IRX2: variants seen among roughly 807,000 people sequenced by gnomAD.
The protein encoded by IRX2 is iroquois homeobox 2, also known as iroquois-class homeodomain protein IRX-2.
A neutral mutation model predicts 42.9 loss-of-function variants in IRX2; 26 were observed. The ratio of observed to expected loss-of-function variants is 0.61; its 90% CI spans 0.44 to 0.84. IRX2 has a LOEUF of 0.84. IRX2 is among the 40% of genes least tolerant of loss of function. The pLI is 0.00. For synonymous variants in IRX2, 424 were observed against 353.9 expected (o/e 1.20, Z -2.22); for missense variants, 782 against 713.9 (o/e 1.10, Z -1.09).
intron 1 of IRX2, among the ~76,000 whole-genome samples, chr5:2,750,400 G>C (rs967939195): frequency 6.6e-6 from 1 of 152,240 alleles, no homozygotes; most frequent in Admixed American, 6.5e-5. Context: ...ATTCCGCCGA[G>C]GGCCGGCAGT....
chr5:2,749,566 G>T lies in IRX2; in HGVS notation c.471C>A (p.Thr157=). 1 of 1,614,242 alleles carries T rather than the reference G, an allele frequency of 6.2e-7. No individual in the cohort carries two copies. Among genetic ancestry groups the T allele is most frequent in the South Asian group, 1.1e-5 (1 of 91,092 alleles). ...CGAACCAGGTGGAGACCTGGGTGAG[G>T]GTCATCTTGGTGATGATGGCTAGCA... ...KIMLAIITKM[T]LTQVSTWFAN... The change falls in exon 2 of 4, where the codon ACC becomes ACA. Residue 157 remains threonine, a synonymous_variant. Coordinates refer to ENST00000302057, the MANE Select transcript of IRX2 (RefSeq NM_033267.5).
At chr5:2,737,536 C>T in the IRX2 span, among the ~76,000 whole-genome samples, 1 of 152,218 alleles carries the variant, frequency 6.6e-6, no homozygotes, top group African/African-American at 2.4e-5. Flanking sequence ...ATTTGGCCCA[C>T]TCAGATGAGC....
rs1190670815 is a variant in IRX2, at chr5:2,747,277, C to CAT, written c.*285_*286dup. The CAT allele has an allele frequency of 1.2e-4, 25 of 208,508 alleles. No homozygotes were observed. Among genetic ancestry groups the CAT allele is most frequent in the South Asian group, 7.6e-4 (6 of 7,922 alleles). 12.9% of individuals were successfully genotyped at this position (208,508 alleles called of 1,614,324 possible). A position where few individuals can be genotyped will look rare whatever the true frequency, so the allele number is the denominator to read the frequency against. ...TATATATACATGTACTATATATATACATATATATATTACACACACACACAC... is the reference window on the plus strand; with the variant it reads ...TATATATACATGTACTATATATATACATATATATATATTACACACACACACAC... On this transcript the variant is annotated 3_prime_UTR_variant, in exon 4 of 4. Coordinates refer to ENST00000302057, the MANE Select transcript of IRX2 (RefSeq NM_033267.5).
Position 2,747,320 on chromosome 5 carries a change from T to TA in IRX2, c.*243_*244insT, listed in dbSNP as rs200429418. On this transcript the variant is annotated 3_prime_UTR_variant, in exon 4 of 4. Coordinates refer to ENST00000302057, the MANE Select transcript of IRX2 (RefSeq NM_033267.5). Reference sequence around the variant, plus strand: ...ACACACACACACATATATATATATATTTTTTTTTTCCTTCCCTAGGTAAAG... The same window carrying TA: ...ACACACACACACATATATATATATATATTTTTTTTTCCTTCCCTAGGTAAAG... 0.23 allele frequency: 9,476 copies of TA among 40,678 alleles called. 262 individuals carry two copies. Among genetic ancestry groups the TA allele is most frequent in the Non-Finnish European group, 0.29 (3,803 of 13,198 alleles). The allele number at this position is 40,678 out of a possible 1,614,324, so 2.5% of individuals were successfully genotyped here. A position where few individuals can be genotyped will look rare whatever the true frequency, so the allele number is the denominator to read the frequency against.
In IRX2 at chr5:2,748,700, G is replaced by A. The variant is rs564917721; in HGVS notation, c.1008C>T (p.Ala336=). The A allele has an allele frequency of 7.1e-6, 10 of 1,399,116 alleles. No homozygotes were observed. In the African/African-American group the frequency reaches 1.4e-4, roughly 19 times the overall value. 86.7% of individuals were successfully genotyped at this position (1,399,116 alleles called of 1,614,324 possible). A position where few individuals can be genotyped will look rare whatever the true frequency, so the allele number is the denominator to read the frequency against. The change falls in exon 3 of 4, where the codon GCC becomes GCT. Residue 336 remains alanine, a synonymous_variant. Transcript: ENST00000302057. ...GGCTCGGCTGCTTGAGGTCCGACGT[G>A]GCGATCTCGGCCAGCGACCACAGCT... ...KPKLWSLAEI[A]TSDLKQPSLG...
the IRX2 span, among the ~76,000 whole-genome samples, chr5:2,740,296 C>G: frequency 4.6e-5 from 7 of 151,782 alleles, no homozygotes; most frequent in African/African-American, 1.7e-4. Flanking sequence ...CAGCCACCAC[C>G]TTGGGGCCGC....
At position 2,749,456 on chromosome 5, in the gene IRX2, C is replaced by CCCTCGT. The variant is rs750070060; in HGVS notation, c.575_580dup (p.Asp192_Glu193dup). The CCCTCGT allele has an allele frequency of 1.3e-5, 21 of 1,614,034 alleles. No individual in the cohort carries two copies. The highest frequency in any genetic ancestry group is 1.7e-5 in the Non-Finnish European group (20 of 1,180,018). On this transcript the variant is annotated inframe_insertion, in exon 2 of 4. Coordinates refer to ENST00000302057, the MANE Select transcript of IRX2 (RefSeq NM_033267.5). Reference sequence around the variant, plus strand: ...CTCGTCCTTGCTTCTGGTAGCGTCGCCCTCGTCCTCGTCCTCATCTTCGCT... The same window carrying CCCTCGT: ...CTCGTCCTTGCTTCTGGTAGCGTCGCCCTCGTCCTCGTCCTCGTCCTCATCTTCGCT...
Position 2,748,827 on chromosome 5 carries a change from G to A in IRX2, c.881C>T (p.Pro294Leu), listed in dbSNP as rs1470755078. Residue 294 changes from proline (P) to leucine (L), a missense_variant, in exon 3 of 4, where the codon CCG becomes CTG. Around this residue, in one of 3 missense-constraint regions of IRX2, gnomAD observed 520 missense variants for 437.8 expected, o/e 1.19. Coordinates refer to ENST00000302057, the MANE Select transcript of IRX2 (RefSeq NM_033267.5). ...TSSPLTGLEAPLLSPPPEAAP... is the reference protein window; with the variant it reads ...TSSPLTGLEALLLSPPPEAAP... ...GGCCTCGGGCGGGGGGCTCAGCAGC[G>A]GCGCCTCCAAGCCGGTAAGCGGCGA... 6.5e-7 allele frequency: 1 copy of A among 1,534,340 alleles called. No homozygotes were observed. The highest frequency in any genetic ancestry group is 2.6e-5 in the East Asian group (1 of 38,576).
Position 2,748,743 on chromosome 5 carries a change from G to T in IRX2, c.965C>A (p.Pro322His). The T allele has an allele frequency of 2.2e-6, 3 of 1,365,808 alleles. No homozygotes were observed. The highest frequency in any genetic ancestry group is 2.8e-6 in the Non-Finnish European group (3 of 1,065,578). The allele number at this position is 1,365,808 out of a possible 1,614,324, so 84.6% of individuals were successfully genotyped here. Residue 322 changes from proline (P) to histidine (H), a missense_variant, in exon 3 of 4, where the codon CCC (proline) becomes CAC (histidine). Physicochemically the swap from Pro to His is moderately conservative, Grantham distance 77 (BLOSUM62 -2). Around this residue, in one of 3 missense-constraint regions of IRX2, gnomAD observed 520 missense variants for 437.8 expected, o/e 1.19. Coordinates refer to ENST00000302057, the MANE Select transcript of IRX2 (RefSeq NM_033267.5). Reference protein sequence around the residue: ...QGSRTSPGAPPPASKPKLWSL... With the variant: ...QGSRTSPGAPHPASKPKLWSL... Reference sequence around the variant, plus strand: ...CCACAGCTTGGGCTTGCTGGCGGGGGGCGGCGCGCCCGGAGACGTCCGGCT... The same window carrying T: ...CCACAGCTTGGGCTTGCTGGCGGGGTGCGGCGCGCCCGGAGACGTCCGGCT...
In IRX2 at chr5:2,749,441, C is replaced by T. The variant is rs140323126; in HGVS notation, c.596G>A (p.Ser199Asn). The change falls in exon 2 of 4, where the codon AGC becomes AAC. Residue 199 changes from serine (S) to asparagine (N), a missense_variant. This residue lies in a region of IRX2 where 520 missense variants were observed against 437.8 expected (regional missense o/e 1.19). Transcript: ENST00000302057. ...CGCCTTGTCGGGACTCTCGTCCTTG[C>T]TTCTGGTAGCGTCGCCCTCGTCCTC... ...EDEDEGDATR[S>N]KDESPDKAQE... The T allele has an allele frequency of 1.1e-4, 172 of 1,614,188 alleles. No homozygotes were observed. In the African/African-American group the frequency reaches 2.1e-3, roughly 20 times the overall value.
the IRX2 span, among the ~76,000 whole-genome samples, chr5:2,738,684 C>T: frequency 6.6e-6 from 1 of 152,134 alleles, no homozygotes; most frequent in African/African-American, 2.4e-5. Flanking sequence ...ACAAAGCACC[C>T]ACCCCTCCCC....
intron 2 of IRX2, 78 bp from the exon 3 acceptor site, chr5:2,749,130 G>T: frequency 6.5e-7 from 1 of 1,533,754 alleles, no homozygotes; most frequent in Non-Finnish European, 8.7e-7. Flanking sequence ...CCTGTCCTGC[G>T]GCACTGGGCC....
chr5:2,749,093 C>G (rs1217088838), intron 2 of IRX2, 41 bp from the exon 3 acceptor site: 2 of 1,583,040 alleles, frequency 1.3e-6, no homozygotes, highest in African/African-American at 1.3e-5. Context: ...GAGGGGACAG[C>G]GCAGGCACCT....
At chr5:2,742,948 C>T (rs1737575189), downstream of IRX2, among the ~76,000 whole-genome samples, 1 of 152,172 alleles carries the variant, frequency 6.6e-6, no homozygotes, top group Non-Finnish European at 1.5e-5. Flanking sequence ...GTAAATGATC[C>T]GAAAACGCGC....
the IRX2 span, among the ~76,000 whole-genome samples, chr5:2,735,989 C>T: frequency 3.9e-5 from 6 of 152,324 alleles, no homozygotes; most frequent in South Asian, 2.1e-4. Context: ...CCCTTCTCCA[C>T]GTGGCCCTTT....
In IRX2 at chr5:2,748,939, T is replaced by G. The variant is rs769890921; in HGVS notation, c.769A>C (p.Lys257Gln). 1 of 1,597,014 alleles carries G rather than the reference T, an allele frequency of 6.3e-7. No individual in the cohort carries two copies. Among genetic ancestry groups the G allele is most frequent in the South Asian group, 1.1e-5 (1 of 90,872 alleles). ...DPLCESGSEC[K>Q]DKYDDLEDDE... is the part of the protein sequence containing the mutation. ...TCCTCCAGGTCGTCATACTTGTCCTTGCACTCCGAGCCCGATTCGCACAGG... is the reference window on the plus strand; with the variant it reads ...TCCTCCAGGTCGTCATACTTGTCCTGGCACTCCGAGCCCGATTCGCACAGG... Residue 257 changes from lysine to glutamine, a missense_variant, in exon 3 of 4, where the codon AAG becomes CAG. Around this residue, in one of 3 missense-constraint regions of IRX2, gnomAD observed 520 missense variants for 437.8 expected, o/e 1.19. Transcript: ENST00000302057.
At chr5:2,740,718 T>C in the IRX2 span, among the ~76,000 whole-genome samples, 538 of 151,884 alleles carry the variant, frequency 3.5e-3, 3 homozygotes, top group African/African-American at 0.011. Context: ...GGGTGGAAGG[T>C]GGCCCGGAAC....
chr5:2,747,485 C>T lies in IRX2; in HGVS notation c.*79G>A, dbSNP rs1737714417. 2 of 1,231,972 alleles carry T rather than the reference C, an allele frequency of 1.6e-6. No individual in the cohort carries two copies. The highest frequency in any genetic ancestry group is 1.5e-5 in the African/African-American group (1 of 67,644). The allele number at this position is 1,231,972 out of a possible 1,614,324, so 76.3% of individuals were successfully genotyped here. ...CCAGAAGCAAGAAAAACACATTAAGCAAGTTGGTGCTGGGAGGCTCCACAG... is the reference window on the plus strand; with the variant it reads ...CCAGAAGCAAGAAAAACACATTAAGTAAGTTGGTGCTGGGAGGCTCCACAG... On this transcript the variant is annotated 3_prime_UTR_variant, in exon 4 of 4. Transcript: ENST00000302057.
chr5:2,748,861 C>A lies in IRX2; in HGVS notation c.847G>T (p.Val283Leu). The change falls in exon 3 of 4, where the codon GTG becomes TTG. Residue 283 changes from valine to leucine, a missense_variant. Around this residue, in one of 3 missense-constraint regions of IRX2, gnomAD observed 520 missense variants for 437.8 expected, o/e 1.19. Coordinates refer to ENST00000302057, the MANE Select transcript of IRX2 (RefSeq NM_033267.5). ...AAGCCGGTAAGCGGCGACGAGGTCA[C>A]GGGCTTGGGCGGCGCCAGGCCCCGC... is the stretch of plus-strand genomic sequence containing the variant. ...GERGLAPPKP[V>L]TSSPLTGLEA... is the part of the protein sequence containing the mutation. 1 of 1,587,490 alleles carries A rather than the reference C, an allele frequency of 6.3e-7. No individual in the cohort carries two copies. Among genetic ancestry groups the A allele is most frequent in the Admixed American group, 1.7e-5 (1 of 59,234 alleles).
Sources: allele counts gnomAD v4.1 joint callset (sites outside exome capture counted in the v4.1 genomes callset), GRCh38; gene constraint gnomAD v4.1.1; regional missense constraint gnomAD v4.1.1; transcripts MANE v1.5; gene names NCBI Gene and HGNC (gene_info 2026-07-23, HGNC 2026-07-21).